MRTFB: variants seen among roughly 807,000 people sequenced by gnomAD.
MRTFB encodes the protein myocardin-related transcription factor B.
In MRTFB, 29 loss-of-function variants were observed where a neutral mutation model predicts 104.2. The observed-to-expected ratio is 0.28, with a 90% confidence interval of 0.21 to 0.38. The LOEUF (loss-of-function observed/expected upper bound fraction) is 0.38. Ranked by LOEUF, MRTFB falls within the 10% of genes least tolerant of loss-of-function variation. The pLI, the probability that MRTFB is intolerant of heterozygous loss-of-function variation, is 1.00. For missense variants in MRTFB, 1,270 were observed against 1,341.6 expected (o/e 0.95, Z 0.83); for synonymous variants, 535 against 519.5 (o/e 1.03, Z -0.41).
the MRTFB span, among the ~76,000 whole-genome samples, chr16:14,062,949 T>G: frequency 8.5e-5 from 13 of 152,122 alleles, no homozygotes; most frequent in Admixed American, 8.5e-4. Context: ...CACTTCAACA[T>G]TCTCATGGGG....
chr16:14,126,315 T>G (rs1386204272), intron 2 of MRTFB, among the ~76,000 whole-genome samples: 1 of 152,178 alleles, frequency 6.6e-6, no homozygotes, highest in Non-Finnish European at 1.5e-5. Context: ...AATATAAATA[T>G]TAATTTCAAC....
At chr16:14,184,702 A>G (rs912614454) in intron 3 of MRTFB, among the ~76,000 whole-genome samples, 2 of 152,210 alleles carry the variant, frequency 1.3e-5, no homozygotes, top group Admixed American at 6.5e-5. Flanking sequence ...TCCTCTCACC[A>G]GGAGTAGAAT....
intron 2 of MRTFB, among the ~76,000 whole-genome samples, chr16:14,122,219 T>C (rs1202502613): frequency 6.7e-6 from 1 of 149,324 alleles, no homozygotes; most frequent in Non-Finnish European, 1.5e-5. Context: ...CATTTTCCCC[T>C]TTCAGTACAT....
chr16:14,095,559 A>G (rs1029772703), intron 2 of MRTFB, among the ~76,000 whole-genome samples: 5 of 152,256 alleles, frequency 3.3e-5, no homozygotes, highest in Non-Finnish European at 7.3e-5. Context: ...TTGGCAGTGC[A>G]GGTGTCATGA....
intron 3 of MRTFB, among the ~76,000 whole-genome samples, chr16:14,198,640 A>C (rs2040545332): frequency 6.6e-6 from 1 of 152,118 alleles, no homozygotes; most frequent in Non-Finnish European, 1.5e-5. Flanking sequence ...AACCTCCTTC[A>C]CTGGCCTCAA....
chr16:14,039,037 A>G, the MRTFB span, among the ~76,000 whole-genome samples: 1 of 152,216 alleles, frequency 6.6e-6, no homozygotes, highest in South Asian at 2.1e-4. Flanking sequence ...GTTATCTCCC[A>G]CTGGGTCCCT....
chr16:14,187,597 A>C (rs1177983416), intron 3 of MRTFB, among the ~76,000 whole-genome samples: 1 of 152,268 alleles, frequency 6.6e-6, no homozygotes, highest in Non-Finnish European at 1.5e-5. Flanking sequence ...TAACAAAGCA[A>C]AGAATAAGCT....
chr16:14,221,010 T>C (rs1013222510), intron 8 of MRTFB, among the ~76,000 whole-genome samples: 1 of 151,744 alleles, frequency 6.6e-6, no homozygotes, highest in African/African-American at 2.4e-5. Context: ...AAGATTCTTA[T>C]TATACTTTTA....
At chr16:14,142,873 C>T (rs1193091119) in intron 3 of MRTFB, 1 of 152,138 alleles carries the variant, frequency 6.6e-6, no homozygotes, top group East Asian at 1.9e-4. Context: ...CCCTTATAAA[C>T]TTCTAAGGAA....
rs368356103 is a variant in MRTFB, at chr16:14,246,841, C to T, written c.1581C>T (p.Thr527=). The T allele has an allele frequency of 4.8e-5, 78 of 1,612,522 alleles. No individual in the cohort carries two copies. The highest frequency in any genetic ancestry group is 5.8e-5 in the Non-Finnish European group (68 of 1,180,032). ...TDDTNMADTF[T]EIMTMMSPSQ... ...ACACAAACATGGCAGACACTTTCAC[C>T]GAGATTATGACCATGATGTCGCCTT... is the stretch of plus-strand genomic sequence containing the variant. The change falls in exon 12 of 17, where the codon ACC becomes ACT. Residue 527 remains threonine (T), a synonymous_variant. Coordinates refer to ENST00000571589, the MANE Select transcript of MRTFB (RefSeq NM_001308142.2).
At chr16:14,257,439 G>C (rs1388507913) in intron 15 of MRTFB, among the ~76,000 whole-genome samples, 4 of 152,122 alleles carry the variant, frequency 2.6e-5, no homozygotes, top group Admixed American at 6.5e-5. Flanking sequence ...GGTACACACT[G>C]TAAGACAGAT....
In MRTFB at chr16:14,240,273, A is replaced by G; in HGVS notation, c.868A>G (p.Ser290Gly). ...HPKNPNDKHR[S>G]KKCKDPKPRV... ...CAAGAATCCAAATGACAAACACCGT[A>G]GCAAAAAGTGCAAAGATCCCAAACC... is the stretch of plus-strand genomic sequence containing the variant. Residue 290 changes from serine to glycine, a missense_variant, in exon 10 of 17, where the codon AGC (serine) becomes GGC (glycine). Ser to Gly is a moderately conservative substitution (Grantham distance 56). Coordinates refer to ENST00000571589, the MANE Select transcript of MRTFB (RefSeq NM_001308142.2). 1 of 1,611,918 alleles carries G rather than the reference A, an allele frequency of 6.2e-7. No individual in the cohort carries two copies. The highest frequency in any genetic ancestry group is 8.5e-7 in the Non-Finnish European group (1 of 1,179,208).
At chr16:14,187,908 A>G (rs1161971587) in intron 3 of MRTFB, among the ~76,000 whole-genome samples, 3 of 152,162 alleles carry the variant, frequency 2.0e-5, no homozygotes, top group Admixed American at 1.3e-4. Flanking sequence ...CCCCTTTTTC[A>G]GCCTCTGCTT....
intron 2 of MRTFB, among the ~76,000 whole-genome samples, chr16:14,117,433 A>C (rs923101228): frequency 1.3e-5 from 2 of 152,196 alleles, no homozygotes; most frequent in Admixed American, 1.3e-4. Flanking sequence ...CATAGCATCT[A>C]TTCTTTTCCT....
At chr16:14,085,935 A>G (rs2141916115) in intron 2 of MRTFB, among the ~76,000 whole-genome samples, 1 of 152,262 alleles carries the variant, frequency 6.6e-6, no homozygotes, top group Non-Finnish European at 1.5e-5. Flanking sequence ...GTTGTTGTCA[A>G]GGGAAAAGTA....
chr16:14,000,382 C>A, the MRTFB span, among the ~76,000 whole-genome samples: 68 of 152,218 alleles, frequency 4.5e-4, no homozygotes, highest in Non-Finnish European at 6.0e-4. Flanking sequence ...CCCCTCCATC[C>A]CGTAGCCCCT....
Position 14,263,154 on chromosome 16 carries a change from G to T in MRTFB, c.*1710G>T, listed in dbSNP as rs1312670943. 1 of 152,266 alleles carries T rather than the reference G, an allele frequency of 6.6e-6. No individual in the cohort carries two copies. Among genetic ancestry groups the T allele is most frequent in the African/African-American group, 2.4e-5 (1 of 41,474 alleles). The allele number at this position is 152,266 out of a possible 1,614,324, so 9.4% of individuals were successfully genotyped here. On this transcript the variant is annotated 3_prime_UTR_variant, in exon 17 of 17. Coordinates refer to ENST00000571589, the MANE Select transcript of MRTFB (RefSeq NM_001308142.2). ...ACTAACAGTGCTCATGTGCCTTCCA[G>T]ACGGTTCAAGGCAGAGGCCACTGTG... is the stretch of plus-strand genomic sequence containing the variant.
chr16:14,079,580 T>C (rs897628871), intron 2 of MRTFB, among the ~76,000 whole-genome samples: 25 of 152,146 alleles, frequency 1.6e-4, no homozygotes, highest in African/African-American at 6.0e-4. Context: ...TTTTCCTGTT[T>C]TCTGATGGTT....
intron 1 of MRTFB, among the ~76,000 whole-genome samples, chr16:14,077,821 A>G (rs2034155454): frequency 6.6e-6 from 1 of 151,958 alleles, no homozygotes; most frequent in Non-Finnish European, 1.5e-5. Context: ...TCCCACTGTT[A>G]CCCATCTCAC....
Sources: gnomAD v4.1 joint callset for allele counts (sites outside exome capture counted in the v4.1 genomes callset) on GRCh38, gnomAD v4.1.1 for gene constraint, MANE v1.5 for transcripts, NCBI Gene and HGNC (gene_info 2026-07-23, HGNC 2026-07-21) for gene names.